SCUBE2: variants seen among roughly 807,000 people sequenced by gnomAD.
SCUBE2 encodes the protein signal peptide, CUB and EGF-like domain-containing protein 2.
SCUBE2 carries 114 observed loss-of-function variants against 125.9 expected under a neutral mutation model. The ratio of observed to expected loss-of-function variants is 0.91; its 90% CI spans 0.78 to 1.06. The LOEUF is 1.06. Ranked by LOEUF, SCUBE2 falls within the 50% of genes least tolerant of loss-of-function variation. SCUBE2 has a pLI of 0.00. For synonymous variants in SCUBE2, 459 were observed against 492.9 expected, an observed-to-expected ratio of 0.93 and a Z score of 0.91; for missense variants, 1,255 against 1,301.8, an observed-to-expected ratio of 0.96 and a Z score of 0.55.
chr11:9,048,078 CTT>C lies in SCUBE2; in HGVS notation c.1658_1659del (p.Lys553ArgfsTer27), dbSNP rs775699815. 1.2e-6 allele frequency: 2 copies of C among 1,613,336 alleles called. No individual in the cohort carries two copies. Among genetic ancestry groups the C allele is most frequent in the East Asian group, 2.2e-5 (1 of 44,886 alleles). On this transcript the variant is annotated frameshift_variant, in exon 15 of 23. Transcript: ENST00000649792. LOFTEE classifies it high-confidence loss of function. Reference sequence around the variant, plus strand: ...GTAAGGTTTACGTAGCGGAAGCTCTCTTTTACTGAGCTGTGCTTCTCTGTATG... The same window carrying C: ...GTAAGGTTTACGTAGCGGAAGCTCTCTTACTGAGCTGTGCTTCTCTGTATG... ...PALPEKHSSVKESFRYVNLTC... is the reference protein window; with the variant it reads ...PALPEKHSSVXESFRYVNLTC...
chr11:9,056,508 G>T (rs1178979408), intron 9 of SCUBE2, among the ~76,000 whole-genome samples: 1 of 152,192 alleles, frequency 6.6e-6, no homozygotes, highest in Non-Finnish European at 1.5e-5. Flanking sequence ...GCCCTGAAAT[G>T]TGGTAGTTCA....
In SCUBE2 at chr11:9,069,220, C is replaced by T; in HGVS notation, c.643+150G>A. On this transcript the variant is annotated intron_variant, in intron 5 of 22. Transcript: ENST00000649792. ...AGGGAGACCACCCTTCTGCAGTGAA[C>T]AAGTACTTGGTAGAGGTCGGTATCC... is the stretch of plus-strand genomic sequence containing the variant. 3.3e-6 allele frequency: 3 copies of T among 895,834 alleles called. No homozygotes were observed. The South Asian group carries it at 5.0e-5, about 15-fold the overall frequency. The allele number at this position is 895,834 out of a possible 1,614,324, so 55.5% of individuals were successfully genotyped here. A position where few individuals can be genotyped will look rare whatever the true frequency, so the allele number is the denominator to read the frequency against.
intron 21 of SCUBE2, chr11:9,024,499 G>T: frequency 1.0e-6 from 1 of 961,812 alleles, no homozygotes; most frequent in Non-Finnish European, 1.4e-6. Context: ...TTTGGCACTT[G>T]TCATCCTAAA....
At chr11:9,058,215 C>T (rs968775578) in intron 9 of SCUBE2, among the ~76,000 whole-genome samples, 5 of 152,182 alleles carry the variant, frequency 3.3e-5, no homozygotes, top group African/African-American at 1.2e-4. Flanking sequence ...GTAATCCCAG[C>T]ACTTTGGGAG....
chr11:9,066,948 A>G lies in SCUBE2; in HGVS notation c.644-135T>C, dbSNP rs1590116595. The G allele has an allele frequency of 1.5e-5, 10 of 687,630 alleles. No individual in the cohort carries two copies. The East Asian group carries it at 2.7e-4, about 18-fold the overall frequency. The allele number at this position is 687,630 out of a possible 1,614,324, so 42.6% of individuals were successfully genotyped here. A position where few individuals can be genotyped will look rare whatever the true frequency, so the allele number is the denominator to read the frequency against. On this transcript the variant is annotated intron_variant, in intron 5 of 22. Coordinates refer to ENST00000649792, the MANE Select transcript of SCUBE2 (RefSeq NM_001367977.2). ...GTGCATGCCAGGCATGGTGCACGAA[A>G]GACATAACTCCAAGTCAGACCCTGT...
chr11:9,059,304 T>A lies in SCUBE2; in HGVS notation c.1089A>T (p.Gln363His). ...CACAGCTATGTTTTCAGCACATACCTTGGCAAGACTTCTCATCTGTTAATA... is the reference window on the plus strand; with the variant it reads ...CACAGCTATGTTTTCAGCACATACCATGGCAAGACTTCTCATCTGTTAATA... Reference protein sequence around the residue: ...FKLLTDEKSCQDVDECSLDRT... With the variant: ...FKLLTDEKSCHDVDECSLDRT... The change falls in exon 9 of 23, where the codon CAA becomes CAT. Residue 363 changes from glutamine (Q) to histidine (H), a missense_variant and splice_region_variant. Around this residue, in one of 3 missense-constraint regions of SCUBE2, gnomAD observed 378 missense variants for 463.1 expected, o/e 0.82. Transcript: ENST00000649792. The A allele has an allele frequency of 3.7e-6, 6 of 1,614,066 alleles. No individual in the cohort carries two copies. Among genetic ancestry groups the A allele is most frequent in the Non-Finnish European group, 5.1e-6 (6 of 1,179,986 alleles).
At chr11:9,035,477 T>C (rs1268597737) in intron 16 of SCUBE2, among the ~76,000 whole-genome samples, 1 of 152,212 alleles carries the variant, frequency 6.6e-6, no homozygotes, top group Non-Finnish European at 1.5e-5. Context: ...GGATTCTCTA[T>C]GGGGCTAGGA....
intron 2 of SCUBE2, among the ~76,000 whole-genome samples, chr11:9,081,898 G>A (rs1353606067): frequency 6.6e-6 from 1 of 152,080 alleles, no homozygotes; most frequent in East Asian, 1.9e-4. Flanking sequence ...ATTTTTTGAG[G>A]AACTTCCACA....
At chr11:9,053,879 G>A in intron 10 of SCUBE2, 120 bp from the exon 11 acceptor site, 2 of 1,228,606 alleles carry the variant, frequency 1.6e-6, no homozygotes, top group East Asian at 2.4e-5. Context: ...ACCAAAGGAA[G>A]ACACTGAATG....
In SCUBE2 at chr11:9,026,021, T is replaced by G. The variant is rs573279348; in HGVS notation, c.2702-167A>C. ...TCAAAGGTCCTGGAAACAGAGTAGA[T>G]TCAGCTGGTAATTGTGGACCCCCAG... On this transcript the variant is annotated intron_variant, in intron 20 of 22. Coordinates refer to ENST00000649792, the MANE Select transcript of SCUBE2 (RefSeq NM_001367977.2). 1.2e-5 allele frequency: 8 copies of G among 677,198 alleles called. No homozygotes were observed. In the African/African-American group the frequency reaches 1.3e-4, roughly 11 times the overall value. 41.9% of individuals were successfully genotyped at this position (677,198 alleles called of 1,614,324 possible).
At chr11:9,046,080 C>T (rs1857715137) in intron 16 of SCUBE2, among the ~76,000 whole-genome samples, 1 of 147,576 alleles carries the variant, frequency 6.8e-6, no homozygotes, top group African/African-American at 2.5e-5. Context: ...GATCTCGGCT[C>T]ACTGCAGCCT....
intron 21 of SCUBE2, among the ~76,000 whole-genome samples, chr11:9,023,492 C>G (rs1171771414): frequency 6.6e-6 from 1 of 152,140 alleles, no homozygotes; most frequent in Non-Finnish European, 1.5e-5. Context: ...TGCTGTGCTG[C>G]GTTCTGGTGT....
chr11:9,051,703 T>C (rs544581416), intron 13 of SCUBE2, among the ~76,000 whole-genome samples: 5 of 152,316 alleles, frequency 3.3e-5, no homozygotes, highest in African/African-American at 9.6e-5. Flanking sequence ...GGCATAATTA[T>C]AGTACCTATA....
At position 9,026,017 on chromosome 11, in the gene SCUBE2, T is replaced by G. The variant is rs138888899; in HGVS notation, c.2702-163A>C. On this transcript the variant is annotated intron_variant, in intron 20 of 22. Coordinates refer to ENST00000649792, the MANE Select transcript of SCUBE2 (RefSeq NM_001367977.2). ...TAAGTCAAAGGTCCTGGAAACAGAG[T>G]AGATTCAGCTGGTAATTGTGGACCC... 2.9e-3 allele frequency: 1,983 copies of G among 687,872 alleles called. 3 individuals carry two copies. Among genetic ancestry groups the G allele is most frequent in the Middle Eastern group, 6.7e-3 (16 of 2,402 alleles). 42.6% of individuals were successfully genotyped at this position (687,872 alleles called of 1,614,324 possible).
intron 5 of SCUBE2, among the ~76,000 whole-genome samples, chr11:9,068,256 C>T (rs1860446440): frequency 1.3e-5 from 2 of 152,174 alleles, no homozygotes; most frequent in Admixed American, 6.5e-5. Flanking sequence ...AAGGGAACTC[C>T]TCAGTGCTTC....
intron 4 of SCUBE2, among the ~76,000 whole-genome samples, chr11:9,071,664 T>A (rs147234601): frequency 2.6e-4 from 40 of 152,334 alleles, no homozygotes; most frequent in African/African-American, 9.6e-4. Context: ...CCCATTCTGG[T>A]GCACCCCAAG....
At position 9,030,760 on chromosome 11, in the gene SCUBE2, C is replaced by A; in HGVS notation, c.2339G>T (p.Arg780Ile). ...GATSFQDCET[R>I]VQCSPGHFYN... ...AAGGCAAGCTGCCAAGTACTCACCT[C>A]TGGTTTCACAGTCCTGAAAGGAAGT... Residue 780 changes from arginine to isoleucine, a missense_variant and splice_region_variant, in exon 18 of 23, where the codon AGA (arginine) becomes ATA (isoleucine). Transcript: ENST00000649792. 1 of 1,613,116 alleles carries A rather than the reference C, an allele frequency of 6.2e-7. No homozygotes were observed. The highest frequency in any genetic ancestry group is 2.2e-5 in the East Asian group (1 of 44,868).
chr11:9,091,417 G>T lies in SCUBE2; in HGVS notation c.112C>A (p.Arg38Ser). The change falls in exon 1 of 23, where the codon CGT (arginine) becomes AGT (serine). Residue 38 changes from arginine to serine, a missense_variant. Transcript: ENST00000649792. The surrounding 1 kb of genome is among the most constrained non-coding windows in gnomAD (Gnocchi z 8.5). Reference protein sequence around the residue: ...LAGAVPPGRGRAAGPQEDVDE... With the variant: ...LAGAVPPGRGSAAGPQEDVDE... ...TCACCCTCCTGCGGCCCCGCGGCAC[G>T]GCCCCGACCCGGCGGGACGGCCCCC... 4 of 1,314,042 alleles carry T rather than the reference G, an allele frequency of 3.0e-6. No individual in the cohort carries two copies. The highest frequency in any genetic ancestry group is 4.3e-5 in the South Asian group (2 of 46,768). The allele number at this position is 1,314,042 out of a possible 1,614,324, so 81.4% of individuals were successfully genotyped here.
intron 2 of SCUBE2, among the ~76,000 whole-genome samples, chr11:9,082,411 C>T (rs555270046): frequency 2.6e-5 from 4 of 152,060 alleles, no homozygotes; most frequent in East Asian, 3.9e-4. Context: ...ATTATCTCCT[C>T]GGCAGTTTCT....
Sources: allele counts gnomAD v4.1 joint callset (sites outside exome capture counted in the v4.1 genomes callset), GRCh38; gene constraint gnomAD v4.1.1; regional missense constraint gnomAD v4.1.1; non-coding constraint Gnocchi (gnomAD v3.1); transcripts MANE v1.5; gene names NCBI Gene and HGNC (gene_info 2026-07-23, HGNC 2026-07-21).